CHST11: variants seen among roughly 807,000 people sequenced by gnomAD.
CHST11 encodes C4S-1.
CHST11 carries 9 observed loss-of-function variants against 30.4 expected under a neutral mutation model. The ratio of observed to expected loss-of-function variants is 0.30; its 90% CI spans 0.18 to 0.52. The LOEUF is 0.52. Among genes scored for constraint, CHST11 ranks in the 20% least tolerant of loss-of-function variants. The pLI is 0.97. For synonymous variants in CHST11, 152 were observed against 187.8 expected (o/e 0.81, Z 1.56); for missense variants, 348 against 460.6 (o/e 0.76, Z 2.24).
chr12:104,497,325 G>A (rs559559548), intron 1 of CHST11, among the ~76,000 whole-genome samples: 8 of 152,312 alleles, frequency 5.3e-5, no homozygotes, highest in African/African-American at 1.7e-4. Context: ...GAGGCACCAC[G>A]GTTGTGCACG....
chr12:104,625,144 C>G (rs992221232), intron 2 of CHST11, among the ~76,000 whole-genome samples: 1 of 152,220 alleles, frequency 6.6e-6, no homozygotes, highest in African/African-American at 2.4e-5. Flanking sequence ...TGTGACTAAG[C>G]AGCTATGCAA....
rs575020596 is a variant in CHST11 at position 104,599,511 on chromosome 12, C to T, written c.119-2395C>T. ...GTCATTGTGCACCAAGGGCAACTTGCGTGCATTTCACAGTTTACCTCCTTT... is the reference window on the plus strand; with the variant it reads ...GTCATTGTGCACCAAGGGCAACTTGTGTGCATTTCACAGTTTACCTCCTTT... On this transcript the variant is annotated intron_variant, in intron 1 of 2. Transcript: ENST00000303694. Among the ~76,000 whole-genome samples, 213 of 152,240 alleles carry T rather than the reference C, an allele frequency of 1.4e-3. 1 individual carries two copies. The highest frequency in any genetic ancestry group is 3.4e-3 in the Middle Eastern group (1 of 294).
chr12:104,620,014 C>A (rs918693695), intron 2 of CHST11, among the ~76,000 whole-genome samples: 1 of 152,160 alleles, frequency 6.6e-6, no homozygotes, highest in Non-Finnish European at 1.5e-5. Context: ...AATTGTCATT[C>A]CCGGTGAGCC....
intron 1 of CHST11, among the ~76,000 whole-genome samples, chr12:104,498,952 A>G (rs1447549191): frequency 1.3e-5 from 2 of 151,998 alleles, no homozygotes; most frequent in Admixed American, 1.3e-4. Flanking sequence ...TCTTTTCTTG[A>G]TCTTCTTAAC....
At chr12:104,604,067 G>T (rs2038980961) in intron 2 of CHST11, among the ~76,000 whole-genome samples, 1 of 152,176 alleles carries the variant, frequency 6.6e-6, no homozygotes, top group Admixed American at 6.5e-5. Context: ...TTTGTGGCTG[G>T]TAACTCTGGG....
intron 2 of CHST11, among the ~76,000 whole-genome samples, chr12:104,688,796 C>CA (rs2039871375): frequency 6.6e-6 from 1 of 152,116 alleles, no homozygotes; most frequent in African/African-American, 2.4e-5. Flanking sequence ...GATGTTGTAG[C>CA]ATAAAGTTTA....
intron 2 of CHST11, among the ~76,000 whole-genome samples, chr12:104,748,116 A>G (rs529276194): frequency 6.6e-6 from 1 of 152,298 alleles, no homozygotes; most frequent in Admixed American, 6.5e-5. Context: ...GACCTAATTT[A>G]TACTTTTGAG....
intron 2 of CHST11, among the ~76,000 whole-genome samples, chr12:104,697,044 A>AT (rs1001183660): frequency 2.6e-5 from 4 of 151,754 alleles, no homozygotes; most frequent in African/African-American, 7.3e-5. Flanking sequence ...AATTGCTTCC[A>AT]TTTTTTTATC....
At chr12:104,495,924 C>A (rs555594559) in intron 1 of CHST11, among the ~76,000 whole-genome samples, 1 of 152,354 alleles carries the variant, frequency 6.6e-6, no homozygotes, top group East Asian at 1.9e-4. Flanking sequence ...TAATGACATC[C>A]TGACTCCTGA....
intron 1 of CHST11, among the ~76,000 whole-genome samples, chr12:104,548,630 C>T (rs2038375587): frequency 6.6e-6 from 1 of 152,164 alleles, no homozygotes; most frequent in Admixed American, 6.5e-5. Flanking sequence ...ATGATCTTCC[C>T]TTTGCATCTC....
chr12:104,623,398 A>G (rs1050340834), intron 2 of CHST11, among the ~76,000 whole-genome samples: 23 of 152,212 alleles, frequency 1.5e-4, no homozygotes, highest in African/African-American at 5.5e-4. Flanking sequence ...GTCGAGGTCC[A>G]GGCCACCCGT....
intron 2 of CHST11, among the ~76,000 whole-genome samples, chr12:104,730,640 A>ATC (rs1193418203): frequency 1.3e-5 from 2 of 150,002 alleles, no homozygotes; most frequent in Non-Finnish European, 3.0e-5. Context: ...TTGAAAGGAC[A>ATC]GAATGGGAAG....
intron 2 of CHST11, among the ~76,000 whole-genome samples, chr12:104,627,014 C>A (rs7133483): frequency 0.024 from 3,581 of 152,246 alleles, 138 homozygotes; most frequent in South Asian, 0.084. Flanking sequence ...CTCCCTCCCC[C>A]CAAGCACTGG....
intron 1 of CHST11, among the ~76,000 whole-genome samples, chr12:104,478,264 G>C (rs1302628089): frequency 6.6e-6 from 1 of 152,004 alleles, no homozygotes; most frequent in African/African-American, 2.4e-5. Context: ...GGAAGGCCTG[G>C]GTATATTTTA....
At chr12:104,653,469 G>T (rs936700869) in intron 2 of CHST11, among the ~76,000 whole-genome samples, 2 of 152,210 alleles carry the variant, frequency 1.3e-5, no homozygotes, top group Non-Finnish European at 2.9e-5. Flanking sequence ...GTGGTAGACA[G>T]TACCCCATTA....
intron 2 of CHST11, among the ~76,000 whole-genome samples, chr12:104,648,355 T>G (rs1314386820): frequency 6.6e-6 from 1 of 152,240 alleles, no homozygotes; most frequent in Non-Finnish European, 1.5e-5. Context: ...AGAGTCATTT[T>G]GGGGCCATAC....
intron 2 of CHST11, among the ~76,000 whole-genome samples, chr12:104,606,961 G>A (rs991294002): frequency 1.8e-4 from 28 of 152,134 alleles, no homozygotes; most frequent in Admixed American, 4.6e-4. Context: ...TCAGCTACTC[G>A]GGAGGCTGAG....
At chr12:104,640,969 A>G (rs76714130) in intron 2 of CHST11, among the ~76,000 whole-genome samples, 5,066 of 152,254 alleles carry the variant, frequency 0.033, 146 homozygotes, top group Non-Finnish European at 0.052. Context: ...TAAATACCCC[A>G]GGCTCAGCCA....
chr12:104,475,658 T>TTATA (rs67453124), intron 1 of CHST11, among the ~76,000 whole-genome samples: 1,093 of 33,918 alleles, frequency 0.032, 40 homozygotes, highest in African/African-American at 0.065. Context: ...TAAAGCAGCA[T>TTATA]TATATATATA....
Sources: allele counts gnomAD v4.1 joint callset (sites outside exome capture counted in the v4.1 genomes callset), GRCh38; gene constraint gnomAD v4.1.1; transcripts MANE v1.5; gene names NCBI Gene and HGNC (gene_info 2026-07-23, HGNC 2026-07-21).